SUCLA2: variants seen among roughly 807,000 people sequenced by gnomAD.
SUCLA2 encodes succinate--CoA ligase [ADP-forming] subunit beta, mitochondrial.
SUCLA2 carries 30 observed loss-of-function variants against 54.8 expected under a neutral mutation model. The ratio of observed to expected loss-of-function variants is 0.55; its 90% confidence interval spans 0.41 to 0.74. The LOEUF is 0.74. Among genes scored for constraint, SUCLA2 ranks in the 30% least tolerant of loss-of-function variants. SUCLA2 has a pLI of 0.00. For missense variants in SUCLA2, 476 were observed against 562.9 expected (o/e 0.85, Z 1.56); for synonymous variants, 172 against 188.9 (o/e 0.91, Z 0.74).
chr13:47,958,149 C>T (rs73489242), intron 6 of SUCLA2, among the ~76,000 whole-genome samples: 10,202 of 152,136 alleles, frequency 0.067, 646 homozygotes, highest in East Asian at 0.18. Context: ...TGATGTTTGG[C>T]CCCAGTGTTC....
intron 6 of SUCLA2, among the ~76,000 whole-genome samples, chr13:47,961,340 G>A (rs978144536): frequency 6.6e-6 from 1 of 152,078 alleles, no homozygotes; most frequent in Non-Finnish European, 1.5e-5. Flanking sequence ...TTATTGCTTA[G>A]GAAAATTAGT....
chr13:47,949,501 C>T lies in SUCLA2; in HGVS notation c.1210G>A (p.Val404Ile), dbSNP rs757252461. The change falls in exon 9 of 11, where the codon GTT becomes ATT. Residue 404 changes from valine (V) to isoleucine (I), a missense_variant. By Grantham distance (29) the Val-to-Ile change is conservative. Coordinates refer to ENST00000646932, the MANE Select transcript of SUCLA2 (RefSeq NM_003850.3). ...TACTCACCTTGTAACCGTACCACAA[C>T]AGGTATTTTAATTTCCAAGTCTTTT... ...AVKDLEIKIPVVVRLQGTRVD... is the reference protein window; with the variant it reads ...AVKDLEIKIPIVVRLQGTRVD... 8 of 1,613,424 alleles carry T rather than the reference C, an allele frequency of 5.0e-6. No individual in the cohort carries two copies. The highest frequency in any genetic ancestry group is 1.7e-5 in the Admixed American group (1 of 59,964).
intron 4 of SUCLA2, among the ~76,000 whole-genome samples, chr13:47,976,775 T>C (rs1353184639): frequency 2.0e-5 from 3 of 152,184 alleles, no homozygotes; most frequent in African/African-American, 7.2e-5. Flanking sequence ...ATCCCAAATC[T>C]AAAAATCTGA....
chr13:47,956,504 T>A (rs1949822607), intron 6 of SUCLA2, among the ~76,000 whole-genome samples: 1 of 152,178 alleles, frequency 6.6e-6, no homozygotes, highest in Non-Finnish European at 1.5e-5. Context: ...AGATTCTATA[T>A]CCAGTGAAAA....
At chr13:47,970,071 C>A (rs574726318) in intron 5 of SUCLA2, among the ~76,000 whole-genome samples, 3 of 151,180 alleles carry the variant, frequency 2.0e-5, no homozygotes, top group Admixed American at 2.0e-4. Context: ...CACTGCACTC[C>A]TGCCTGGGCG....
At chr13:47,991,791 T>C (rs879852600) in intron 2 of SUCLA2, 13 of 152,250 alleles carry the variant, frequency 8.5e-5, no homozygotes, top group Non-Finnish European at 1.3e-4. Flanking sequence ...TGCACAGTAC[T>C]ACAACTAGAG....
intron 4 of SUCLA2, among the ~76,000 whole-genome samples, chr13:47,978,596 T>C (rs865965727): frequency 1.3e-5 from 2 of 152,170 alleles, no homozygotes; most frequent in African/African-American, 4.8e-5. Flanking sequence ...ATTCAGGACA[T>C]AGGCATAGGC....
intron 8 of SUCLA2, among the ~76,000 whole-genome samples, chr13:47,951,770 C>A (rs531191911): frequency 3.3e-5 from 5 of 152,172 alleles, no homozygotes; most frequent in African/African-American, 1.2e-4. Context: ...GCTGACCTGG[C>A]CAGATAATTA....
At chr13:47,985,164 A>C (rs1950091564) in intron 4 of SUCLA2, among the ~76,000 whole-genome samples, 1 of 152,224 alleles carries the variant, frequency 6.6e-6, no homozygotes, top group Non-Finnish European at 1.5e-5. Flanking sequence ...ATCTCCTAAA[A>C]ACAAGTCAGT....
At chr13:47,956,554 A>G (rs751358193) in intron 6 of SUCLA2, among the ~76,000 whole-genome samples, 1 of 152,250 alleles carries the variant, frequency 6.6e-6, no homozygotes, top group East Asian at 1.9e-4. Flanking sequence ...TATTTGCAGA[A>G]TAATGGAAAC....
intron 1 of SUCLA2, among the ~76,000 whole-genome samples, chr13:47,999,003 G>C (rs1237057222): frequency 6.6e-6 from 1 of 152,032 alleles, no homozygotes; most frequent in Non-Finnish European, 1.5e-5. Context: ...CTAGACAGTG[G>C]GCTAGGGACA....
intron 9 of SUCLA2, 44 bp from the exon 10 acceptor site, chr13:47,949,072 C>T: frequency 6.3e-7 from 1 of 1,577,908 alleles, no homozygotes; most frequent in Non-Finnish European, 8.7e-7. Flanking sequence ...AATACACACA[C>T]AAAAGCATTT....
intron 10 of SUCLA2, among the ~76,000 whole-genome samples, chr13:47,943,764 G>GTATATATATATATATATATATATA (rs1366859649): frequency 8.8e-4 from 121 of 137,922 alleles, no homozygotes; most frequent in South Asian, 7.7e-3. Context: ...GTGTGTGTGT[G>GTATATATATATATATATATATATA]TGTATATATA....
At chr13:47,946,033 TATGTCACA>T (rs1230202786) in intron 10 of SUCLA2, 1 of 152,222 alleles carries the variant, frequency 6.6e-6, no homozygotes, top group Non-Finnish European at 1.5e-5. Context: ...AGCCTAACAC[TATGTCACA>T]ATGCCTTCAT....
chr13:47,977,623 A>G (rs1950026962), intron 4 of SUCLA2, among the ~76,000 whole-genome samples: 1 of 152,222 alleles, frequency 6.6e-6, no homozygotes, highest in Non-Finnish European at 1.5e-5. Context: ...GGTTCAACAT[A>G]CAAAAATTCA....
At chr13:47,970,703 T>C (rs908051405) in intron 5 of SUCLA2, among the ~76,000 whole-genome samples, 4 of 151,864 alleles carry the variant, frequency 2.6e-5, no homozygotes, top group Non-Finnish European at 4.4e-5. Flanking sequence ...CTACTAAAAA[T>C]ACAAAAATTA....
chr13:47,959,067 T>C (rs932787269), intron 6 of SUCLA2, among the ~76,000 whole-genome samples: 1 of 152,170 alleles, frequency 6.6e-6, no homozygotes, highest in African/African-American at 2.4e-5. Context: ...AATGCTAATA[T>C]AGTTCAGGAC....
At chr13:47,973,150 C>T in intron 5 of SUCLA2, 114 bp downstream of exon 5, 1 of 901,766 alleles carries the variant, frequency 1.1e-6, no homozygotes, top group Non-Finnish European at 1.8e-6. Flanking sequence ...TATTAACTTT[C>T]CTGACACTCA....
intron 4 of SUCLA2, among the ~76,000 whole-genome samples, chr13:47,984,404 G>A (rs138247460): frequency 0.012 from 1,851 of 151,346 alleles, 48 homozygotes; most frequent in African/African-American, 0.043. Context: ...GTGTTTCACT[G>A]TGTTAGCCAG....
Sources: gnomAD v4.1 joint callset for allele counts (sites outside exome capture counted in the v4.1 genomes callset) on GRCh38, gnomAD v4.1.1 for gene constraint, MANE v1.5 for transcripts, NCBI Gene and HGNC (gene_info 2026-07-23, HGNC 2026-07-21) for gene names.